TSHR: variants seen among roughly 807,000 people sequenced by gnomAD.
The protein encoded by TSHR is thyrotropin receptor.
In TSHR, 51 loss-of-function variants were observed where a neutral mutation model predicts 64.1. The ratio of observed to expected loss-of-function variants is 0.80; its 90% confidence interval spans 0.64 to 1.01. The LOEUF (loss-of-function observed/expected upper bound fraction) is 1.01. TSHR is among the 50% of genes least tolerant of loss of function. The pLI is 0.00. For missense variants in TSHR, 877 were observed against 942.8 expected (o/e 0.93, Z 0.91); for synonymous variants, 361 against 361.9 (o/e 1.00, Z 0.03).
chr14:81,114,275 A>G (rs1890371988), intron 8 of TSHR, among the ~76,000 whole-genome samples: 1 of 152,170 alleles, frequency 6.6e-6, no homozygotes, highest in African/African-American at 2.4e-5. Context: ...TACCAGGTTC[A>G]TCTCACTAGG....
chr14:80,999,296 G>A (rs923350692), intron 1 of TSHR, among the ~76,000 whole-genome samples: 6 of 152,124 alleles, frequency 3.9e-5, no homozygotes, highest in African/African-American at 1.2e-4. Context: ...GTTCACCAGA[G>A]CCATCATGGA....
At chr14:81,115,196 C>T (rs1404558268) in intron 8 of TSHR, among the ~76,000 whole-genome samples, 1 of 152,086 alleles carries the variant, frequency 6.6e-6, no homozygotes, top group East Asian at 1.9e-4. Context: ...CTTTGACGAG[C>T]TGAGAGAAGA....
At chr14:81,052,794 A>T (rs1478066013) in intron 1 of TSHR, 2 of 152,056 alleles carry the variant, frequency 1.3e-5, no homozygotes, top group Non-Finnish European at 2.9e-5. Flanking sequence ...TATTTTTTAT[A>T]GCTATTGCAA....
rs530605964 is a variant in TSHR, at chr14:81,108,419, C to T, written c.659C>T (p.Ala220Val). ...NKYLTVIDKD[A>V]FGGVYSGPSL... Reference sequence around the variant, plus strand: ...TACCTGACAGTTATTGACAAAGATGCATTTGGAGGAGTATACAGTGGACCA... The same window carrying T: ...TACCTGACAGTTATTGACAAAGATGTATTTGGAGGAGTATACAGTGGACCA... The change falls in exon 8 of 10, where the codon GCA becomes GTA. Residue 220 changes from alanine to valine, a missense_variant. Ala to Val is a moderately conservative substitution (Grantham distance 64). Transcript: ENST00000298171. The T allele has an allele frequency of 5.6e-6, 9 of 1,613,280 alleles. No homozygotes were observed. The South Asian group carries it at 8.8e-5, about 16-fold the overall frequency.
intron 1 of TSHR, among the ~76,000 whole-genome samples, chr14:81,022,414 C>G (rs546670730): frequency 6.6e-6 from 1 of 152,126 alleles, no homozygotes; most frequent in Non-Finnish European, 1.5e-5. Context: ...GGGGTGTCTT[C>G]GATGAGATTA....
Position 81,084,317 on chromosome 14 carries a change from TG to T in TSHR, c.318-3636del, listed in dbSNP as rs541800543. On this transcript the variant is annotated intron_variant, in intron 3 of 9. Transcript: ENST00000298171. ...GAGAATATATAAAGCTTTACTTTTT[TG>T]TTTTTAAAGTTTGAGATTTTTTGCA... Among the ~76,000 whole-genome samples the T allele has an allele frequency of 4.2e-3, 647 of 152,330 alleles. 11 individuals are homozygous for T. Among genetic ancestry groups the T allele is most frequent in the African/African-American group, 0.014 (599 of 41,556 alleles).
Position 81,143,667 on chromosome 14 carries a change from C to T in TSHR, c.1609C>T (p.His537Tyr), listed in dbSNP as rs1891804176. The stretch of plus-strand genomic sequence containing the variant: ...CCTGGACCGGAAGATCCGCCTCAGG[C>T]ACGCATGTGCCATCATGGTTGGGGG... ...MRLDRKIRLR[H>Y]ACAIMVGGWV... Residue 537 changes from histidine (H) to tyrosine (Y), a missense_variant, in exon 10 of 10, where the codon CAC (histidine) becomes TAC (tyrosine). Physicochemically the swap from His to Tyr is moderately conservative, Grantham distance 83. Transcript: ENST00000298171. 1.2e-6 allele frequency: 2 copies of T among 1,614,210 alleles called. No homozygotes were observed. Among genetic ancestry groups the T allele is most frequent in the African/African-American group, 2.7e-5 (2 of 75,062 alleles).
At chr14:81,092,761 A>T (rs1888855606) in intron 6 of TSHR, among the ~76,000 whole-genome samples, 153 bp downstream of exon 6, 1 of 152,198 alleles carries the variant, frequency 6.6e-6, no homozygotes, top group African/African-American at 2.4e-5. Flanking sequence ...GTATTGTCTT[A>T]TGGGATGGTA....
chr14:80,981,937 C>T (rs775491723), intron 1 of TSHR: 2 of 278,162 alleles, frequency 7.2e-6, no homozygotes, highest in East Asian at 7.6e-5. Context: ...GCCTAGGACA[C>T]CTTGAGAACC....
intron 7 of TSHR, among the ~76,000 whole-genome samples, chr14:81,102,002 T>C (rs1889611163): frequency 6.6e-6 from 1 of 151,858 alleles, no homozygotes; most frequent in Admixed American, 6.6e-5. Flanking sequence ...AAACCCCGTC[T>C]CTACTAAAAA....
chr14:80,959,989 C>A (rs1342882615), intron 1 of TSHR, among the ~76,000 whole-genome samples: 1 of 152,134 alleles, frequency 6.6e-6, no homozygotes, highest in Non-Finnish European at 1.5e-5. Flanking sequence ...ACAGAAAAAA[C>A]AAAAATATAA....
intron 1 of TSHR, among the ~76,000 whole-genome samples, chr14:81,037,423 ACAAACAAACAAACAAAC>A (rs1399207265): frequency 2.1e-5 from 3 of 140,736 alleles, no homozygotes; most frequent in African/African-American, 5.5e-5. Context: ...GAAATACAAA[ACAAACAAACAAACAAAC>A]AAACAAAAAA....
At chr14:80,970,017 C>T (rs1887515445) in intron 1 of TSHR, among the ~76,000 whole-genome samples, 1 of 152,238 alleles carries the variant, frequency 6.6e-6, no homozygotes, top group Admixed American at 6.5e-5. Flanking sequence ...GATGAACTGA[C>T]TGTGAAGATT....
chr14:81,108,240 G>T, intron 7 of TSHR, 135 bp from the exon 8 acceptor site: 1 of 772,880 alleles, frequency 1.3e-6, no homozygotes. Flanking sequence ...GCCAGAAGAA[G>T]ATAAAGTATC....
intron 1 of TSHR, among the ~76,000 whole-genome samples, chr14:80,986,477 T>TG (rs1216197584): frequency 7.3e-6 from 1 of 136,686 alleles, no homozygotes; most frequent in East Asian, 1.9e-4. Flanking sequence ...TTCTTTTTTT[T>TG]GTTTGTTTTT....
At chr14:81,120,603 A>G (rs1192075517) in intron 8 of TSHR, among the ~76,000 whole-genome samples, 1 of 152,164 alleles carries the variant, frequency 6.6e-6, no homozygotes, top group Non-Finnish European at 1.5e-5. Context: ...TTTTCTGTAT[A>G]AGATAATGTC....
At chr14:80,966,122 T>A (rs1887286898) in intron 1 of TSHR, among the ~76,000 whole-genome samples, 2 of 152,238 alleles carry the variant, frequency 1.3e-5, no homozygotes, top group Admixed American at 6.5e-5. Context: ...TGTGTTCTCA[T>A]AATTATGCAA....
intron 1 of TSHR, among the ~76,000 whole-genome samples, chr14:80,990,820 A>G (rs1241516544): frequency 6.6e-6 from 1 of 152,102 alleles, no homozygotes; most frequent in East Asian, 1.9e-4. Context: ...ACTCCTGGCT[A>G]ATTTTTATAT....
At chr14:81,011,034 T>A (rs922253129) in intron 1 of TSHR, among the ~76,000 whole-genome samples, 2 of 152,282 alleles carry the variant, frequency 1.3e-5, no homozygotes, top group South Asian at 2.1e-4. Context: ...TTACTGTCGC[T>A]CTCTTGAGAG....
Sources: allele counts gnomAD v4.1 joint callset (sites outside exome capture counted in the v4.1 genomes callset), GRCh38; gene constraint gnomAD v4.1.1; transcripts MANE v1.5; gene names NCBI Gene and HGNC (gene_info 2026-07-23, HGNC 2026-07-21).